The following RBFOX3 variants were observed in gnomAD, a reference collection of about 807,000 sequenced individuals.
RBFOX3 encodes RNA binding protein fox-1 homolog 3.
A neutral mutation model predicts 48.7 loss-of-function variants in RBFOX3; 17 were observed. The ratio of observed to expected loss-of-function variants is 0.35; its 90% CI spans 0.24 to 0.52. The LOEUF (loss-of-function observed/expected upper bound fraction) is 0.52, where lower values mean the gene tolerates loss of function less well. Among genes scored for constraint, RBFOX3 ranks in the 20% least tolerant of loss-of-function variants. RBFOX3 has a pLI of 0.94. For synonymous variants in RBFOX3, 212 were observed against 209.5 expected, an observed-to-expected ratio of 1.01 and a Z score of -0.10; for missense variants, 382 against 497.5, an observed-to-expected ratio of 0.77 and a Z score of 2.21.
intron 1 of RBFOX3, among the ~76,000 whole-genome samples, chr17:79,580,600 G>A (rs2093026653): frequency 6.6e-6 from 1 of 152,112 alleles, no homozygotes; most frequent in Non-Finnish European, 1.5e-5. Flanking sequence ...TTCCGCTGCA[G>A]TAACAAACAG....
At chr17:79,508,987 C>G (rs2083634860) in intron 1 of RBFOX3, 1 of 152,332 alleles carries the variant, frequency 6.6e-6, no homozygotes, top group African/African-American at 2.4e-5. Context: ...GTCAGAAACA[C>G]CTGGGGGGCT....
intron 4 of RBFOX3, among the ~76,000 whole-genome samples, chr17:79,118,436 T>C (rs2034709084): frequency 1.3e-5 from 2 of 151,276 alleles, no homozygotes; most frequent in African/African-American, 4.9e-5. Flanking sequence ...GGTGGATCCA[T>C]GAGGGAGGAG....
intron 3 of RBFOX3, among the ~76,000 whole-genome samples, chr17:79,248,967 C>T (rs2063546809): frequency 6.6e-6 from 1 of 152,244 alleles, no homozygotes; most frequent in Admixed American, 6.5e-5. Context: ...CCCCGCCTGC[C>T]ACTCGCCAAG....
At chr17:79,632,568 C>T in the RBFOX3 span, among the ~76,000 whole-genome samples, 1 of 152,002 alleles carries the variant, frequency 6.6e-6, no homozygotes, top group African/African-American at 2.4e-5. Context: ...TCAGAGGATC[C>T]GGAAGCCAGT....
chr17:79,468,962 GGA>G (rs2076700014), intron 2 of RBFOX3, among the ~76,000 whole-genome samples: 1 of 147,298 alleles, frequency 6.8e-6, no homozygotes, highest in Non-Finnish European at 1.5e-5. Flanking sequence ...ATGGATGGAT[GGA>G]TGGATGGATG....
At chr17:79,585,325 G>A (rs2093213597) in intron 1 of RBFOX3, among the ~76,000 whole-genome samples, 1 of 152,002 alleles carries the variant, frequency 6.6e-6, no homozygotes, top group Non-Finnish European at 1.5e-5. Flanking sequence ...GGAGGCTGAG[G>A]CGGGTGCATC....
At chr17:79,178,941 G>A (rs946136260) in intron 4 of RBFOX3, among the ~76,000 whole-genome samples, 1 of 152,164 alleles carries the variant, frequency 6.6e-6, no homozygotes, top group South Asian at 2.1e-4. Flanking sequence ...GCGGGTGCAC[G>A]AGCTGCTGTT....
intron 2 of RBFOX3, among the ~76,000 whole-genome samples, chr17:79,399,938 G>A (rs906198869): frequency 6.6e-6 from 1 of 152,194 alleles, no homozygotes; most frequent in Non-Finnish European, 1.5e-5. Context: ...CCATCACTCA[G>A]GAAAGGTCTG....
Position 79,231,234 on chromosome 17 carries a change from CACTGAGTACTCA to C in RBFOX3, c.-34+4520_-34+4531del, listed in dbSNP as rs1329529580. 2.0e-5 allele frequency among the ~76,000 whole-genome samples: 3 copies of C among 152,268 alleles called. No homozygotes were observed. The East Asian group carries it at 5.8e-4, about 29-fold the overall frequency. ...AGCTCTACAGATACTAAGAGGGTCC[CACTGAGTACTCA>C]GCTGAGTACTGATCAGCACAAGCTT... On this transcript the variant is annotated intron_variant, in intron 4 of 14. Coordinates refer to ENST00000693108, the MANE Select transcript of RBFOX3 (RefSeq NM_001350451.2).
chr17:79,507,186 C>A (rs1451130677), intron 1 of RBFOX3, among the ~76,000 whole-genome samples: 1 of 152,116 alleles, frequency 6.6e-6, no homozygotes, highest in Admixed American at 6.5e-5. Flanking sequence ...TGCTCCATCC[C>A]GCCTGCTTCT....
chr17:79,329,004 G>A (rs1375208498), intron 2 of RBFOX3, among the ~76,000 whole-genome samples: 3 of 152,088 alleles, frequency 2.0e-5, no homozygotes, highest in African/African-American at 7.2e-5. Flanking sequence ...AAGGCAGAGG[G>A]GAAGAAGTAA....
chr17:79,309,087 ACAGAG>A (rs2076475478), intron 2 of RBFOX3, among the ~76,000 whole-genome samples: 1 of 146,004 alleles, frequency 6.8e-6, no homozygotes, highest in Admixed American at 7.1e-5. Flanking sequence ...AGCCTGGACA[ACAGAG>A]CAAGACTCTG....
intron 2 of RBFOX3, among the ~76,000 whole-genome samples, chr17:79,347,270 G>A (rs978348962): frequency 6.6e-6 from 1 of 152,140 alleles, no homozygotes; most frequent in African/African-American, 2.4e-5. Context: ...GAAACATTAA[G>A]AACTTTATCT....
At chr17:79,634,557 C>T in the RBFOX3 span, among the ~76,000 whole-genome samples, 1 of 152,156 alleles carries the variant, frequency 6.6e-6, no homozygotes, top group Non-Finnish European at 1.5e-5. Flanking sequence ...ATAGAGCACC[C>T]ACTGCATGTC....
At chr17:79,355,269 T>G (rs1001955501) in intron 2 of RBFOX3, among the ~76,000 whole-genome samples, 2 of 152,230 alleles carry the variant, frequency 1.3e-5, no homozygotes, top group African/African-American at 4.8e-5. Flanking sequence ...TGAACAAGCA[T>G]GTGAAGCCTG....
intron 2 of RBFOX3, among the ~76,000 whole-genome samples, chr17:79,352,786 G>A (rs1479866200): frequency 1.3e-5 from 2 of 152,188 alleles, no homozygotes; most frequent in African/African-American, 2.4e-5. Flanking sequence ...ACAGTGTCAG[G>A]TCACCTAGGG....
intron 1 of RBFOX3, among the ~76,000 whole-genome samples, chr17:79,558,611 C>T (rs1387777672): frequency 6.6e-6 from 1 of 152,136 alleles, no homozygotes; most frequent in African/African-American, 2.4e-5. Flanking sequence ...GGGCTCCATG[C>T]ACTCACTGCT....
rs1157634049 is a variant in RBFOX3 at position 79,090,620 on chromosome 17, G to A, written c.*263C>T. The A allele has an allele frequency of 2.6e-5, 13 of 495,998 alleles. No individual in the cohort carries two copies. Among genetic ancestry groups the A allele is most frequent in the African/African-American group, 4.0e-5 (2 of 50,570 alleles). 30.7% of individuals were successfully genotyped at this position (495,998 alleles called of 1,614,324 possible). On this transcript the variant is annotated 3_prime_UTR_variant, in exon 15 of 15. Transcript: ENST00000693108. The stretch of plus-strand genomic sequence containing the variant: ...CCCCCACTGCCTGAGACGGAGGGGC[G>A]TGTTCCCACTGTGCTGCCAGCCAGG...
intron 4 of RBFOX3, among the ~76,000 whole-genome samples, chr17:79,190,133 C>T (rs1429073505): frequency 4.6e-5 from 7 of 152,184 alleles, no homozygotes; most frequent in Non-Finnish European, 8.8e-5. Flanking sequence ...GAGTGAAGGC[C>T]GGGTGCAGTG....
Sources: gnomAD v4.1 joint callset for allele counts (sites outside exome capture counted in the v4.1 genomes callset) on GRCh38, gnomAD v4.1.1 for gene constraint, MANE v1.5 for transcripts, NCBI Gene and HGNC (gene_info 2026-07-23, HGNC 2026-07-21) for gene names.